Variants in FOXO3 observed in about 807,000 individuals in gnomAD.
FOXO3 encodes the protein forkhead box O3.
A neutral mutation model predicts 41.9 loss-of-function variants in FOXO3; 4 were observed. The observed-to-expected ratio is 0.10, with a 90% CI of 0.05 to 0.22. The LOEUF (loss-of-function observed/expected upper bound fraction) is 0.22. FOXO3 is among the 10% of genes least tolerant of loss of function. The probability of loss-of-function intolerance (pLI) is 1.00; values close to 1 mark genes in which losing one functional copy is unlikely to be tolerated. For synonymous variants in FOXO3, 318 were observed against 389.3 expected, an observed-to-expected ratio of 0.82 and a Z score of 2.16; for missense variants, 534 against 906.8, an observed-to-expected ratio of 0.59 and a Z score of 5.28.
At chr6:108,616,165 T>G (rs1442190647) in intron 1 of FOXO3, among the ~76,000 whole-genome samples, 3 of 136,908 alleles carry the variant, frequency 2.2e-5, no homozygotes, top group Admixed American at 7.3e-5. Context: ...GGTTTTTTTT[T>G]TTTTTTTTTT....
At chr6:108,601,671 C>A (rs1237119274) in intron 1 of FOXO3, among the ~76,000 whole-genome samples, 1 of 152,208 alleles carries the variant, frequency 6.6e-6, no homozygotes, top group Non-Finnish European at 1.5e-5. Flanking sequence ...CCCTGGCAAC[C>A]ATTAATCTGC....
intron 1 of FOXO3, among the ~76,000 whole-genome samples, chr6:108,597,694 G>A (rs1482102504): frequency 3.3e-5 from 5 of 152,118 alleles, no homozygotes; most frequent in Non-Finnish European, 5.9e-5. Context: ...TTATACTGAC[G>A]TCTGCAGGCT....
intron 1 of FOXO3, among the ~76,000 whole-genome samples, chr6:108,633,946 A>G (rs1735530704): frequency 6.6e-6 from 1 of 152,174 alleles, no homozygotes; most frequent in Admixed American, 6.5e-5. Context: ...CATACTTGCT[A>G]GCAGAGTTTT....
intron 1 of FOXO3, among the ~76,000 whole-genome samples, chr6:108,648,294 TG>T (rs1483068343): frequency 1.3e-5 from 2 of 152,126 alleles, no homozygotes; most frequent in Non-Finnish European, 2.9e-5. Flanking sequence ...CTTGTATTGG[TG>T]GAAGAGGAAG....
chr6:108,671,753 G>A (rs1300759127), intron 2 of FOXO3, among the ~76,000 whole-genome samples: 1 of 152,150 alleles, frequency 6.6e-6, no homozygotes, highest in Non-Finnish European at 1.5e-5. Flanking sequence ...ATTCCCCTGG[G>A]TTTTTCATTA....
intron 1 of FOXO3, among the ~76,000 whole-genome samples, chr6:108,628,045 T>C (rs1777862367): frequency 6.6e-6 from 1 of 152,184 alleles, no homozygotes. Flanking sequence ...GTTTTGTCTT[T>C]GAAATAAGAA....
At chr6:108,657,932 A>G (rs1004561668) in intron 1 of FOXO3, among the ~76,000 whole-genome samples, 1 of 152,202 alleles carries the variant, frequency 6.6e-6, no homozygotes, top group African/African-American at 2.4e-5. Context: ...GTCCACTTAC[A>G]TAGAGCTCTT....
At chr6:108,646,333 T>C (rs1303983626) in intron 1 of FOXO3, among the ~76,000 whole-genome samples, 1 of 152,148 alleles carries the variant, frequency 6.6e-6, no homozygotes, top group Non-Finnish European at 1.5e-5. Flanking sequence ...AAATTGGCAT[T>C]GTGTGAGTAA....
At chr6:108,633,322 A>AGTGT (rs770216368) in intron 1 of FOXO3, among the ~76,000 whole-genome samples, 1 of 151,768 alleles carries the variant, frequency 6.6e-6, no homozygotes, top group Non-Finnish European at 1.5e-5. Flanking sequence ...TGGGTATGAA[A>AGTGT]GTGTGTGTGT....
intron 1 of FOXO3, among the ~76,000 whole-genome samples, chr6:108,660,927 G>T (rs537534471): frequency 2.0e-5 from 3 of 152,238 alleles, no homozygotes; most frequent in South Asian, 4.1e-4. Context: ...GGGCATGGTG[G>T]CGGGTGCCTG....
At chr6:108,634,805 A>C (rs967269831) in intron 1 of FOXO3, among the ~76,000 whole-genome samples, 1 of 152,168 alleles carries the variant, frequency 6.6e-6, no homozygotes, top group Non-Finnish European at 1.5e-5. Context: ...TTGAAACTTA[A>C]GAATAAATAT....
intron 1 of FOXO3, among the ~76,000 whole-genome samples, chr6:108,592,499 T>C (rs957487033): frequency 4.6e-5 from 7 of 152,220 alleles, no homozygotes; most frequent in African/African-American, 1.7e-4. Context: ...GCTCCATGAT[T>C]TGAGCAATAG....
intron 1 of FOXO3, among the ~76,000 whole-genome samples, chr6:108,642,455 A>G (rs1415014532): frequency 6.6e-6 from 1 of 152,080 alleles, no homozygotes; most frequent in Non-Finnish European, 1.5e-5. Context: ...GCATAACATT[A>G]AATTGGGGGA....
chr6:108,633,645 C>T (rs1313217767), intron 1 of FOXO3, among the ~76,000 whole-genome samples: 1 of 152,062 alleles, frequency 6.6e-6, no homozygotes, highest in Admixed American at 6.6e-5. Context: ...TACAATGAAG[C>T]TCTTTGACAT....
chr6:108,625,587 T>G (rs1777791562), intron 1 of FOXO3, among the ~76,000 whole-genome samples: 1 of 152,222 alleles, frequency 6.6e-6, no homozygotes, highest in Non-Finnish European at 1.5e-5. Context: ...TCTCTAAAAC[T>G]AAGGAAATCC....
At chr6:108,641,097 A>G (rs753021636) in intron 1 of FOXO3, among the ~76,000 whole-genome samples, 1 of 152,050 alleles carries the variant, frequency 6.6e-6, no homozygotes, top group Non-Finnish European at 1.5e-5. Flanking sequence ...TTTAGTAGAG[A>G]CAGGGTTTCA....
intron 1 of FOXO3, among the ~76,000 whole-genome samples, chr6:108,652,369 A>G (rs1253480823): frequency 3.3e-5 from 5 of 152,230 alleles, no homozygotes; most frequent in Non-Finnish European, 7.3e-5. Flanking sequence ...GGCTTGCTTC[A>G]TGGCTTATCA....
At chr6:108,577,118 T>G (rs1158092225) in intron 1 of FOXO3, among the ~76,000 whole-genome samples, 1 of 152,206 alleles carries the variant, frequency 6.6e-6, no homozygotes, top group Non-Finnish European at 1.5e-5. Context: ...TTATTGTTTT[T>G]TTGGTATATG....
At chr6:108,626,613 A>G (rs890889822) in intron 1 of FOXO3, among the ~76,000 whole-genome samples, 5 of 43,606 alleles carry the variant, frequency 1.1e-4, no homozygotes, top group Non-Finnish European at 2.8e-4. Context: ...CACTGATTAT[A>G]TAGCTTTTTT....
Sources: gnomAD v4.1 joint callset for allele counts (sites outside exome capture counted in the v4.1 genomes callset) on GRCh38, gnomAD v4.1.1 for gene constraint, MANE v1.5 for transcripts, NCBI Gene and HGNC (gene_info 2026-07-23, HGNC 2026-07-21) for gene names.